Variants in NFIB observed in about 807,000 individuals in gnomAD.
NFIB encodes the protein nuclear factor I B.
A neutral mutation model predicts 61.5 loss-of-function variants in NFIB; 11 were observed. The observed-to-expected ratio is 0.18, with a 90% confidence interval of 0.11 to 0.30. The LOEUF is 0.30. NFIB is among the 10% of genes least tolerant of loss of function. NFIB has a pLI of 1.00. For synonymous variants in NFIB, 260 were observed against 216.5 expected (o/e 1.20, Z -1.76); for missense variants, 471 against 608.9 (o/e 0.77, Z 2.38).
chr9:14,258,600 G>A (rs960527836), intron 2 of NFIB, among the ~76,000 whole-genome samples: 2 of 152,186 alleles, frequency 1.3e-5, no homozygotes, highest in Non-Finnish European at 2.9e-5. Context: ...TACAGTAGAA[G>A]CCATTCCAAA....
chr9:14,315,315 G>A (rs1485416483), upstream of NFIB, among the ~76,000 whole-genome samples: 1 of 151,122 alleles, frequency 6.6e-6, no homozygotes, highest in East Asian at 2.0e-4. Flanking sequence ...GGGGTGCCCC[G>A]TGCACGTGGC....
At chr9:14,455,760 T>C in the NFIB span, among the ~76,000 whole-genome samples, 2 of 152,160 alleles carry the variant, frequency 1.3e-5, no homozygotes, top group East Asian at 1.9e-4. Flanking sequence ...AACAAGATTA[T>C]CATTCGTTTT....
At chr9:14,138,953 G>A (rs2041380893) in intron 6 of NFIB, among the ~76,000 whole-genome samples, 1 of 151,882 alleles carries the variant, frequency 6.6e-6, no homozygotes, top group Non-Finnish European at 1.5e-5. Context: ...TTTGTTTTGA[G>A]AATTCTTTCA....
chr9:14,312,270 C>A (rs1481808442), intron 1 of NFIB, among the ~76,000 whole-genome samples: 1 of 152,186 alleles, frequency 6.6e-6, no homozygotes, highest in African/African-American at 2.4e-5. Flanking sequence ...AATTGTCATA[C>A]AATTGAAATC....
chr9:14,299,522 C>T (rs1434340592), intron 2 of NFIB, among the ~76,000 whole-genome samples: 2 of 152,096 alleles, frequency 1.3e-5, no homozygotes, highest in East Asian at 3.9e-4. Flanking sequence ...AAAGGTAATT[C>T]TTATTTTATT....
chr9:14,225,827 GTTTT>G (rs2052334917), intron 2 of NFIB, among the ~76,000 whole-genome samples: 1 of 151,994 alleles, frequency 6.6e-6, no homozygotes, highest in African/African-American at 2.4e-5. Context: ...CAAGCCAAAT[GTTTT>G]TTAATGATTT....
At chr9:14,444,038 G>C in the NFIB span, among the ~76,000 whole-genome samples, 1 of 152,086 alleles carries the variant, frequency 6.6e-6, no homozygotes, top group Admixed American at 6.5e-5. Context: ...CTCATACTAA[G>C]ATCAGCTAAG....
chr9:14,343,973 G>C (rs1386861237), intron 1 of NFIB, among the ~76,000 whole-genome samples: 1 of 152,088 alleles, frequency 6.6e-6, no homozygotes, highest in South Asian at 2.1e-4. Flanking sequence ...ATAGGCCACC[G>C]TGACAACTGG....
chr9:14,155,832 T>G lies in NFIB; in HGVS notation c.678A>C (p.Val226=). 6.4e-7 allele frequency: 1 copy of G among 1,574,572 alleles called. No individual in the cohort carries two copies. The highest frequency in any genetic ancestry group is 1.4e-5 in the African/African-American group (1 of 73,424). Residue 226 remains valine, a synonymous_variant, in exon 4 of 11, where the codon GTA becomes GTC. Coordinates refer to ENST00000380953, the MANE Select transcript of NFIB (RefSeq NM_001190737.2). ...ACAAAACAATTTACTTACTTCTGGA[T>G]ACTCTTACAAGTTCTGATACATTGA... ...GVFNVSELVR[V]SRTPITQGTG...
chr9:14,208,529 T>C (rs1270368634), intron 2 of NFIB, among the ~76,000 whole-genome samples: 1 of 152,076 alleles, frequency 6.6e-6, no homozygotes, highest in African/African-American at 2.4e-5. Context: ...AGTTGTAATG[T>C]GTTCATTTTC....
At chr9:14,220,617 CT>C (rs1488735309) in intron 2 of NFIB, among the ~76,000 whole-genome samples, 2 of 152,066 alleles carry the variant, frequency 1.3e-5, no homozygotes, top group Admixed American at 6.6e-5. Flanking sequence ...CAGCCCATAG[CT>C]CTCACATCTT....
rs2044021949 is a variant in NFIB at position 14,160,424 on chromosome 9, A to G, written c.617-4531T>C. On this transcript the variant is annotated intron_variant, in intron 3 of 10. Coordinates refer to ENST00000380953, the MANE Select transcript of NFIB (RefSeq NM_001190737.2). The stretch of plus-strand genomic sequence containing the variant: ...TCATTTTTACAGTCTACTGTGTTCT[A>G]TTCTTGAAATTAAAAAAAAAGAAGC... Among the ~76,000 whole-genome samples the G allele has an allele frequency of 3.3e-5, 5 of 152,106 alleles. 1 individual carries two copies. The South Asian group carries it at 1.0e-3, about 32-fold the overall frequency.
chr9:14,429,059 C>T, the NFIB span, among the ~76,000 whole-genome samples: 1 of 152,192 alleles, frequency 6.6e-6, no homozygotes, highest in Non-Finnish European at 1.5e-5. Flanking sequence ...GTTCACCATT[C>T]TAGGGGCCGC....
At chr9:14,123,750 C>G (rs909933130) in intron 7 of NFIB, among the ~76,000 whole-genome samples, 9 of 151,962 alleles carry the variant, frequency 5.9e-5, no homozygotes, top group Non-Finnish European at 1.2e-4. Context: ...TCCCAGTTTG[C>G]CCCTCTTCCT....
intron 10 of NFIB, among the ~76,000 whole-genome samples, chr9:14,096,806 T>G (rs974798310): frequency 1.3e-5 from 2 of 152,194 alleles, no homozygotes; most frequent in African/African-American, 4.8e-5. Flanking sequence ...TGGAGCATGG[T>G]TAATTTAGAG....
chr9:14,228,713 A>G (rs1339337512), intron 2 of NFIB, among the ~76,000 whole-genome samples: 1 of 152,216 alleles, frequency 6.6e-6, no homozygotes, highest in Non-Finnish European at 1.5e-5. Context: ...CTTTACCACT[A>G]CGTAAGAAAG....
chr9:14,501,442 C>T, the NFIB span, among the ~76,000 whole-genome samples: 1 of 152,192 alleles, frequency 6.6e-6, no homozygotes, highest in South Asian at 2.1e-4. Flanking sequence ...TAATTTCCTT[C>T]TTACATGCAT....
At chr9:14,298,564 T>A (rs114027109) in intron 2 of NFIB, among the ~76,000 whole-genome samples, 2,055 of 152,130 alleles carry the variant, frequency 0.014, 27 homozygotes, top group African/African-American at 0.028. Context: ...TGCAAATTTG[T>A]CCCCATCACT....
intron 2 of NFIB, among the ~76,000 whole-genome samples, chr9:14,197,967 T>C (rs1160151190): frequency 1.3e-5 from 2 of 152,018 alleles, no homozygotes; most frequent in East Asian, 3.9e-4. Flanking sequence ...TATGGACAAT[T>C]TTACATGAAA....
Sources: allele counts gnomAD v4.1 joint callset (sites outside exome capture counted in the v4.1 genomes callset), GRCh38; gene constraint gnomAD v4.1.1; transcripts MANE v1.5; gene names NCBI Gene and HGNC (gene_info 2026-07-23, HGNC 2026-07-21).